Variants in KLRG1 observed in about 807,000 individuals in gnomAD.
KLRG1 encodes the protein killer cell lectin like receptor G1.
KLRG1 carries 16 observed loss-of-function variants against 21.8 expected under a neutral mutation model. The observed-to-expected ratio is 0.73, with a 90% CI of 0.50 to 1.11. The LOEUF (loss-of-function observed/expected upper bound fraction) is 1.11. KLRG1 is among the 50% of genes most tolerant of loss of function. The probability of loss-of-function intolerance (pLI) is 0.00; values close to 1 mark genes in which losing one functional copy is unlikely to be tolerated. For missense variants in KLRG1, 173 were observed against 218.3 expected, an observed-to-expected ratio of 0.79 and a Z score of 1.31; for synonymous variants, 69 against 75.9, an observed-to-expected ratio of 0.91 and a Z score of 0.47.
chr12:8,967,985 AAGG>A (rs1946506286), intron 1 of KLRG1, among the ~76,000 whole-genome samples: 1 of 151,908 alleles, frequency 6.6e-6, no homozygotes, highest in Non-Finnish European at 1.5e-5. Context: ...AAAGGGAAGG[AAGG>A]AGGAGGGAGG....
chr12:9,009,498 A>G lies in KLRG1; in HGVS notation c.531A>G (p.Glu177=). ...NKNGLQASSC[E]VPLHWVCKKV... ...ATGGTCTTCAAGCCTCAAGCTGTGAAGTTCCTTTACACTGGGTGTGTAAGA... is the reference window on the plus strand; with the variant it reads ...ATGGTCTTCAAGCCTCAAGCTGTGAGGTTCCTTTACACTGGGTGTGTAAGA... The change falls in exon 5 of 5, where the codon GAA becomes GAG. Residue 177 remains glutamate (E), a synonymous_variant. Coordinates refer to ENST00000356986, the MANE Select transcript of KLRG1 (RefSeq NM_005810.4). 5.0e-6 allele frequency: 8 copies of G among 1,613,976 alleles called. No homozygotes were observed. The highest frequency in any genetic ancestry group is 5.9e-6 in the Non-Finnish European group (7 of 1,179,924).
the KLRG1 span, chr12:9,160,153 A>ATTTTG: frequency 3.5e-6 from 4 of 1,138,920 alleles, no homozygotes; most frequent in Admixed American, 8.8e-5. Flanking sequence ...AGTTTTGTGA[A>ATTTTG]TGTTATGGAT....
the KLRG1 span, among the ~76,000 whole-genome samples, chr12:9,144,810 C>T: frequency 6.6e-6 from 1 of 152,080 alleles, no homozygotes; most frequent in Non-Finnish European, 1.5e-5. Flanking sequence ...TTGGGGCAGG[C>T]ATATCTCTGG....
intron 1 of KLRG1, among the ~76,000 whole-genome samples, chr12:8,983,331 C>T (rs1275743177): frequency 6.9e-6 from 1 of 144,874 alleles, no homozygotes; most frequent in Non-Finnish European, 1.5e-5. Context: ...TTTACTTCCT[C>T]TTCATTTCTA....
At chr12:9,182,506 T>G in the KLRG1 span, among the ~76,000 whole-genome samples, 9 of 152,338 alleles carry the variant, frequency 5.9e-5, no homozygotes, top group African/African-American at 2.2e-4. Flanking sequence ...TAAGATATAA[T>G]AAGTTTATTT....
the KLRG1 span, among the ~76,000 whole-genome samples, chr12:9,198,460 T>C: frequency 6.6e-6 from 1 of 152,096 alleles, no homozygotes; most frequent in African/African-American, 2.4e-5. Flanking sequence ...AGATGATGAA[T>C]TGAATAAAAA....
At chr12:8,984,507 G>A (rs1347135743) in intron 1 of KLRG1, among the ~76,000 whole-genome samples, 8 of 152,002 alleles carry the variant, frequency 5.3e-5, no homozygotes, top group Admixed American at 1.3e-4. Context: ...ACCTGCCCCC[G>A]CCTCCCAAAA....
the KLRG1 span, among the ~76,000 whole-genome samples, chr12:9,018,315 A>AAAAAAC: frequency 1.5e-4 from 23 of 152,270 alleles, no homozygotes; most frequent in South Asian, 1.7e-3. Context: ...TCCTGAGCAA[A>AAAAAAC]AAAAACAAAA....
the KLRG1 span, among the ~76,000 whole-genome samples, chr12:9,083,386 T>TA: frequency 1.6e-4 from 23 of 141,512 alleles, no homozygotes; most frequent in South Asian, 6.6e-4. Context: ...ACTTAAAGTA[T>TA]AAAAAAAAAA....
At chr12:9,052,408 C>T in the KLRG1 span, among the ~76,000 whole-genome samples, 11 of 152,214 alleles carry the variant, frequency 7.2e-5, no homozygotes, top group African/African-American at 2.4e-4. Flanking sequence ...TCACAGTCTA[C>T]CAGTGCCACA....
chr12:9,070,821 C>G, the KLRG1 span, among the ~76,000 whole-genome samples: 1 of 129,846 alleles, frequency 7.7e-6, no homozygotes, highest in Non-Finnish European at 1.6e-5. Flanking sequence ...GGCTGAGGAT[C>G]TGCATTTTTT....
the KLRG1 span, chr12:9,154,710 G>T: frequency 1.2e-6 from 2 of 1,614,140 alleles, no homozygotes; most frequent in Non-Finnish European, 1.7e-6. Context: ...GGTGGGGGCT[G>T]GCTGGGCCGT....
the KLRG1 span, chr12:9,079,247 G>T: frequency 6.2e-7 from 1 of 1,613,112 alleles, no homozygotes; most frequent in African/African-American, 1.3e-5. Flanking sequence ...TCCTTACCAG[G>T]TGTTGCCCTG....
the KLRG1 span, among the ~76,000 whole-genome samples, chr12:9,164,533 A>G: frequency 1.3e-5 from 2 of 152,216 alleles, no homozygotes; most frequent in Non-Finnish European, 2.9e-5. Flanking sequence ...CAGTGATTGT[A>G]TATTGCCCTA....
chr12:9,146,277 A>G, the KLRG1 span, among the ~76,000 whole-genome samples: 1 of 150,786 alleles, frequency 6.6e-6, no homozygotes, highest in Non-Finnish European at 1.5e-5. Flanking sequence ...AAATTAACTG[A>G]TCTTTTCTTC....
the KLRG1 span, among the ~76,000 whole-genome samples, chr12:9,140,840 T>C: frequency 6.6e-6 from 1 of 152,316 alleles, no homozygotes; most frequent in South Asian, 2.1e-4. Flanking sequence ...CCGAGAGTTT[T>C]ATTGGCTCCA....
the KLRG1 span, among the ~76,000 whole-genome samples, chr12:9,060,181 T>TTTTG: frequency 1.7e-4 from 26 of 150,712 alleles, no homozygotes; most frequent in Non-Finnish European, 2.5e-4. Context: ...ATTTTTTGTA[T>TTTTG]TTTGTTTGTT....
At chr12:9,152,900 A>G in the KLRG1 span, 1 of 1,614,124 alleles carries the variant, frequency 6.2e-7, no homozygotes, top group South Asian at 1.1e-5. Context: ...TGCACTTTTA[A>G]AGCAAATGGG....
At chr12:9,080,716 T>C in the KLRG1 span, among the ~76,000 whole-genome samples, 1 of 152,194 alleles carries the variant, frequency 6.6e-6, no homozygotes, top group Admixed American at 6.5e-5. Context: ...AGACGAACAG[T>C]ATTTGATGCA....
Sources: gnomAD v4.1 joint callset for allele counts (sites outside exome capture counted in the v4.1 genomes callset) on GRCh38, gnomAD v4.1.1 for gene constraint, MANE v1.5 for transcripts, NCBI Gene and HGNC (gene_info 2026-07-23, HGNC 2026-07-21) for gene names.